Variants in GRM3 observed in about 807,000 individuals in gnomAD.
GRM3 encodes glutamate metabotropic receptor 3.
In GRM3, 26 loss-of-function variants were observed where a neutral mutation model predicts 70.5. The observed-to-expected ratio is 0.37, with a 90% CI of 0.27 to 0.51. GRM3 has a LOEUF of 0.51. GRM3 is among the 20% of genes least tolerant of loss of function. The pLI is 0.93. For missense variants in GRM3, 859 were observed against 1,123.8 expected (o/e 0.76, Z 3.37); for synonymous variants, 443 against 434.9 (o/e 1.02, Z -0.23).
intron 1 of GRM3, among the ~76,000 whole-genome samples, chr7:86,725,910 T>C (rs1188392452): frequency 6.6e-6 from 1 of 152,114 alleles, no homozygotes; most frequent in Non-Finnish European, 1.5e-5. Flanking sequence ...GGTTTCTTTC[T>C]CTTCTTAGAA....
chr7:86,849,706 G>C (rs1198905060), intron 4 of GRM3, among the ~76,000 whole-genome samples: 2 of 152,140 alleles, frequency 1.3e-5, no homozygotes, highest in South Asian at 2.1e-4. Context: ...AACAAAGAGG[G>C]AGAAGTGAAA....
chr7:86,778,986 C>T (rs1796969968), intron 2 of GRM3, among the ~76,000 whole-genome samples: 1 of 151,990 alleles, frequency 6.6e-6, no homozygotes, highest in East Asian at 1.9e-4. Flanking sequence ...AATTTGGATA[C>T]ACACACACAC....
chr7:86,767,924 G>A (rs907917863), intron 2 of GRM3, among the ~76,000 whole-genome samples: 1 of 152,042 alleles, frequency 6.6e-6, no homozygotes, highest in Non-Finnish European at 1.5e-5. Context: ...CTGAAGGTCA[G>A]AAGCCACTTC....
chr7:86,728,384 T>C (rs1795641247), intron 1 of GRM3, among the ~76,000 whole-genome samples: 1 of 152,222 alleles, frequency 6.6e-6, no homozygotes, highest in Non-Finnish European at 1.5e-5. Context: ...ATATTTGAAC[T>C]ATTCATAGTT....
At chr7:86,851,971 T>C (rs1455147809) in intron 5 of GRM3, among the ~76,000 whole-genome samples, 6 of 152,216 alleles carry the variant, frequency 3.9e-5, no homozygotes, top group African/African-American at 1.2e-4. Context: ...GTTTTTCATA[T>C]GCTGGGCACC....
At chr7:86,696,994 G>A (rs1397859495) in intron 1 of GRM3, among the ~76,000 whole-genome samples, 1 of 152,068 alleles carries the variant, frequency 6.6e-6, no homozygotes, top group Non-Finnish European at 1.5e-5. Flanking sequence ...GAATATGGAC[G>A]GTAAAAGATG....
At chr7:86,850,598 C>G in intron 5 of GRM3, 54 bp downstream of exon 5, 2 of 1,212,724 alleles carry the variant, frequency 1.6e-6, no homozygotes, top group South Asian at 1.2e-5. Context: ...TAGTCAGGAC[C>G]AGCCTGCCAA....
At chr7:86,761,120 T>C (rs1796469080) in intron 1 of GRM3, among the ~76,000 whole-genome samples, 1 of 152,180 alleles carries the variant, frequency 6.6e-6, no homozygotes, top group African/African-American at 2.4e-5. Flanking sequence ...TTTAGAATGT[T>C]ATTTGACAGC....
intron 1 of GRM3, among the ~76,000 whole-genome samples, chr7:86,736,352 T>A (rs1795858361): frequency 6.6e-6 from 1 of 152,180 alleles, no homozygotes; most frequent in African/African-American, 2.4e-5. Context: ...ACTTGTTCAG[T>A]TAAATGCCAA....
At position 86,694,112 on chromosome 7, in the gene GRM3, T is replaced by C. The variant is rs535301695; in HGVS notation, c.-141+49240T>C. ...GGTGAGAGGTTAATTCTGTTTGGAT[T>C]GACACCAGAATTATTTCCCTCACTT... On this transcript the variant is annotated intron_variant, in intron 1 of 5. Coordinates refer to ENST00000361669, the MANE Select transcript of GRM3 (RefSeq NM_000840.3). 1.6e-3 allele frequency among the ~76,000 whole-genome samples: 240 copies of C among 152,294 alleles called. 2 individuals are homozygous for C. Among genetic ancestry groups the C allele is most frequent in the African/African-American group, 5.4e-3 (226 of 41,572 alleles).
chr7:86,755,103 G>A (rs1796313419), intron 1 of GRM3, among the ~76,000 whole-genome samples: 1 of 151,930 alleles, frequency 6.6e-6, no homozygotes, highest in Non-Finnish European at 1.5e-5. Flanking sequence ...TTAATCAGGT[G>A]TGTCATAAGC....
At chr7:86,666,239 A>T (rs1584149317) in intron 1 of GRM3, among the ~76,000 whole-genome samples, 1 of 152,010 alleles carries the variant, frequency 6.6e-6, no homozygotes, top group Non-Finnish European at 1.5e-5. Flanking sequence ...ACTACAGAAA[A>T]TGACCTGATT....
intron 3 of GRM3, among the ~76,000 whole-genome samples, chr7:86,836,573 G>A (rs1364363205): frequency 6.6e-6 from 1 of 152,096 alleles, no homozygotes; most frequent in East Asian, 1.9e-4. Context: ...CTCTGAATTG[G>A]GTCAGAAGTG....
chr7:86,694,369 G>T (rs777000834), intron 1 of GRM3, among the ~76,000 whole-genome samples: 8 of 151,516 alleles, frequency 5.3e-5, no homozygotes, highest in Admixed American at 2.6e-4. Flanking sequence ...AAAATTAGCC[G>T]GGCTTGGTGG....
chr7:86,710,683 T>C (rs1285687243), intron 1 of GRM3, among the ~76,000 whole-genome samples: 1 of 147,846 alleles, frequency 6.8e-6, no homozygotes, highest in Non-Finnish European at 1.5e-5. Context: ...ATGAAGAAAA[T>C]AAAGTTTCTT....
chr7:86,701,512 T>C (rs1794946161), intron 1 of GRM3, among the ~76,000 whole-genome samples: 1 of 151,942 alleles, frequency 6.6e-6, no homozygotes. Context: ...TAAAACTGTT[T>C]CTCCCTTATT....
At chr7:86,777,503 G>T (rs898939375) in intron 2 of GRM3, among the ~76,000 whole-genome samples, 5 of 152,076 alleles carry the variant, frequency 3.3e-5, no homozygotes, top group Non-Finnish European at 7.4e-5. Context: ...TGTTTTTGGG[G>T]CCCATGGCAT....
At chr7:86,804,266 T>C (rs536199173) in intron 3 of GRM3, among the ~76,000 whole-genome samples, 1 of 152,290 alleles carries the variant, frequency 6.6e-6, no homozygotes, top group Non-Finnish European at 1.5e-5. Context: ...CCAGTAAAGA[T>C]CATATTCATT....
At chr7:86,702,363 G>A (rs1224813881) in intron 1 of GRM3, among the ~76,000 whole-genome samples, 1 of 152,020 alleles carries the variant, frequency 6.6e-6, no homozygotes, top group Admixed American at 6.6e-5. Context: ...TATGGACAGA[G>A]TGAACAATGT....
Sources: allele counts gnomAD v4.1 joint callset (sites outside exome capture counted in the v4.1 genomes callset), GRCh38; gene constraint gnomAD v4.1.1; transcripts MANE v1.5; gene names NCBI Gene and HGNC (gene_info 2026-07-23, HGNC 2026-07-21).